The following PRSS23 variants were observed in gnomAD, a reference collection of about 807,000 sequenced individuals.
PRSS23 encodes protease, serine 23.
Under a neutral mutation model 34.7 loss-of-function variants are expected in PRSS23, and 25 were observed. The ratio of observed to expected loss-of-function variants is 0.72; its 90% CI spans 0.53 to 1.01. The LOEUF is 1.01. Ranked by LOEUF, PRSS23 falls within the 50% of genes least tolerant of loss-of-function variation. The pLI is 0.00. For missense variants in PRSS23, 445 were observed against 475.6 expected (o/e 0.94, Z 0.60); for synonymous variants, 176 against 186.6 (o/e 0.94, Z 0.46).
At chr11:86,868,982 T>G (rs1464807031) in intron 2 of PRSS23, among the ~76,000 whole-genome samples, 3 of 152,044 alleles carry the variant, frequency 2.0e-5, no homozygotes, top group African/African-American at 7.2e-5. Flanking sequence ...CAGCTAACCT[T>G]TTGTATTTTT....
chr11:86,950,531 C>T (rs1208753267), intron 2 of PRSS23: 1 of 159,570 alleles, frequency 6.3e-6, no homozygotes, highest in Non-Finnish European at 1.4e-5. Flanking sequence ...GTTCAAATAA[C>T]TGTTTTATGA....
At chr11:86,856,098 G>A (rs919898653) in intron 2 of PRSS23, among the ~76,000 whole-genome samples, 2 of 152,086 alleles carry the variant, frequency 1.3e-5, no homozygotes, top group Admixed American at 1.3e-4. Flanking sequence ...GTACAAGTGT[G>A]AGATAAAACA....
chr11:86,880,104 A>T (rs146798027), intron 2 of PRSS23, among the ~76,000 whole-genome samples: 13,181 of 152,158 alleles, frequency 0.087, 620 homozygotes, highest in East Asian at 0.2. Flanking sequence ...TGTACTAAGA[A>T]AAATTCTTCT....
At chr11:86,912,762 T>C (rs1230376940) in intron 2 of PRSS23, among the ~76,000 whole-genome samples, 2 of 152,226 alleles carry the variant, frequency 1.3e-5, no homozygotes, top group Non-Finnish European at 2.9e-5. Flanking sequence ...ATATGGTTCA[T>C]CTCAGAGCTT....
At chr11:86,862,070 G>A (rs1363525475) in intron 2 of PRSS23, among the ~76,000 whole-genome samples, 2 of 151,878 alleles carry the variant, frequency 1.3e-5, no homozygotes, top group East Asian at 2.0e-4. Context: ...GGAAGGGAGA[G>A]GATAATATTA....
chr11:86,907,595 G>A (rs1948952118), intron 2 of PRSS23, among the ~76,000 whole-genome samples: 1 of 152,064 alleles, frequency 6.6e-6, no homozygotes, highest in African/African-American at 2.4e-5. Context: ...GAGTAGCTGA[G>A]ACTGCAGGTG....
chr11:86,941,460 G>A lies in PRSS23; in HGVS notation c.207-9756G>A, dbSNP rs151111668. Reference sequence around the variant, plus strand: ...CTTCCCAGGACAGTGGCTGGCACACGATGGACCCTCATTTCAGCTATTCAA... The same window carrying A: ...CTTCCCAGGACAGTGGCTGGCACACAATGGACCCTCATTTCAGCTATTCAA... On this transcript the variant is annotated intron_variant, in intron 2 of 2. Coordinates refer to the PRSS23 transcript ENST00000533902. Among the ~76,000 whole-genome samples, 396 of 151,154 alleles carry A rather than the reference G, an allele frequency of 2.6e-3. 2 individuals carry two copies. Among genetic ancestry groups the A allele is most frequent in the African/African-American group, 9.0e-3 (371 of 41,218 alleles).
chr11:86,894,149 G>T lies in PRSS23; in HGVS notation c.207-57067G>T, dbSNP rs562395933. On this transcript the variant is annotated intron_variant, in intron 2 of 2. Coordinates refer to the PRSS23 transcript ENST00000533902. ...CTGCCTCAGCGTCCCAAGTAGCTGGGATTACAGACATGTGCCACCACGCCT... is the reference window on the plus strand; with the variant it reads ...CTGCCTCAGCGTCCCAAGTAGCTGGTATTACAGACATGTGCCACCACGCCT... 2.6e-5 allele frequency among the ~76,000 whole-genome samples: 4 copies of T among 152,274 alleles called. No homozygotes were observed. In the South Asian group the frequency reaches 8.3e-4, roughly 32 times the overall value.
At chr11:86,945,544 A>G (rs1949235766) in intron 2 of PRSS23, 1 of 152,196 alleles carries the variant, frequency 6.6e-6, no homozygotes. Flanking sequence ...GAGCCCCAGC[A>G]AAAAAGAAAG....
At chr11:86,868,722 G>A (rs967203021) in intron 2 of PRSS23, among the ~76,000 whole-genome samples, 5 of 152,174 alleles carry the variant, frequency 3.3e-5, no homozygotes, top group Non-Finnish European at 7.4e-5. Flanking sequence ...CCCTAGAGAG[G>A]CAGCTTGCAT....
chr11:86,836,813 C>G (rs993079937), intron 2 of PRSS23: 1 of 152,106 alleles, frequency 6.6e-6, no homozygotes, highest in Non-Finnish European at 1.5e-5. Flanking sequence ...CCCCGGGCAC[C>G]CTCAGAGTTT....
chr11:86,815,760 AGCC>A (rs1948211325), downstream of PRSS23, among the ~76,000 whole-genome samples: 1 of 152,112 alleles, frequency 6.6e-6, no homozygotes, highest in African/African-American at 2.4e-5. Flanking sequence ...GTCATGACTT[AGCC>A]TGTCATGACA....
chr11:86,870,678 T>G (rs1013244103), intron 2 of PRSS23, among the ~76,000 whole-genome samples: 3 of 152,228 alleles, frequency 2.0e-5, no homozygotes, highest in Admixed American at 2.0e-4. Flanking sequence ...ATGATTCTGT[T>G]TATTTATCAA....
intron 2 of PRSS23, among the ~76,000 whole-genome samples, chr11:86,840,862 T>C (rs946195340): frequency 2.5e-5 from 3 of 119,252 alleles, no homozygotes; most frequent in African/African-American, 8.8e-5. Context: ...GAGTGACTAC[T>C]GGGTAAATAG....
At chr11:86,939,851 C>T (rs1031366641) in intron 2 of PRSS23, among the ~76,000 whole-genome samples, 7 of 151,010 alleles carry the variant, frequency 4.6e-5, no homozygotes, top group Non-Finnish European at 8.8e-5. Flanking sequence ...AAATGTTATA[C>T]TGAATTTCTG....
chr11:86,851,803 T>C (rs1040746191), intron 2 of PRSS23, among the ~76,000 whole-genome samples: 10 of 152,210 alleles, frequency 6.6e-5, no homozygotes, highest in Admixed American at 1.3e-4. Flanking sequence ...TCTTCCTTTT[T>C]ATCCTCATCA....
At chr11:86,814,698 G>T (rs1471731486), downstream of PRSS23, among the ~76,000 whole-genome samples, 1 of 152,144 alleles carries the variant, frequency 6.6e-6, no homozygotes, top group African/African-American at 2.4e-5. Context: ...CTGTGCACCA[G>T]GTATGCTTAT....
At chr11:86,864,702 G>T (rs1164993793) in intron 2 of PRSS23, among the ~76,000 whole-genome samples, 1 of 152,220 alleles carries the variant, frequency 6.6e-6, no homozygotes, top group African/African-American at 2.4e-5. Context: ...GAGGTCAGAA[G>T]TCCCAAAATG....
At chr11:86,873,312 A>G (rs1759820132) in intron 2 of PRSS23, among the ~76,000 whole-genome samples, 1 of 149,886 alleles carries the variant, frequency 6.7e-6, no homozygotes, top group South Asian at 2.1e-4. Flanking sequence ...TTTCTTTTTG[A>G]GATGGAGTTT....
Sources: allele counts gnomAD v4.1 joint callset (sites outside exome capture counted in the v4.1 genomes callset), GRCh38; gene constraint gnomAD v4.1.1; transcripts MANE v1.5; gene names NCBI Gene and HGNC (gene_info 2026-07-23, HGNC 2026-07-21).